The following SCN10A variants were observed in gnomAD, a reference collection of about 807,000 sequenced individuals.
The protein encoded by SCN10A is sodium channel protein type 10 subunit alpha.
A neutral mutation model predicts 170.7 loss-of-function variants in SCN10A; 162 were observed. The ratio of observed to expected loss-of-function variants is 0.95; its 90% confidence interval spans 0.84 to 1.08. The LOEUF is 1.08. Among genes scored for constraint, SCN10A ranks in the 50% least tolerant of loss-of-function variants. SCN10A has a pLI of 0.00. For missense variants in SCN10A, 2,527 were observed against 2,436.9 expected (o/e 1.04, Z -0.78); for synonymous variants, 985 against 904.6 (o/e 1.09, Z -1.59).
At chr3:38,802,595 T>C (rs1009995663) in intron 1 of SCN10A, among the ~76,000 whole-genome samples, 19 of 152,196 alleles carry the variant, frequency 1.2e-4, no homozygotes, top group East Asian at 3.8e-4. Context: ...AGGCTAGCCA[T>C]ATGTAGAAAG....
intron 12 of SCN10A, among the ~76,000 whole-genome samples, chr3:38,751,401 C>T (rs552019644): frequency 3.9e-5 from 6 of 152,218 alleles, no homozygotes; most frequent in African/African-American, 9.6e-5. Flanking sequence ...ATTAGCCCAT[C>T]GGAGTGGTCC....
At chr3:38,726,517 C>T (rs917732108) in intron 17 of SCN10A, 89 bp downstream of exon 17, 3 of 1,056,234 alleles carry the variant, frequency 2.8e-6, no homozygotes, top group African/African-American at 3.2e-5. Flanking sequence ...ATGTCAAGGT[C>T]TCCTCTGCAT....
At chr3:38,709,091 C>T (rs917510523) in intron 25 of SCN10A, among the ~76,000 whole-genome samples, 4 of 152,288 alleles carry the variant, frequency 2.6e-5, no homozygotes, top group Middle Eastern at 3.4e-3. Context: ...CAGTGCTGGG[C>T]CATGGCCTTT....
intron 4 of SCN10A, 146 bp from the exon 5 acceptor site, chr3:38,771,553 A>C (rs979876947): frequency 4.0e-6 from 3 of 752,642 alleles, no homozygotes; most frequent in African/African-American, 3.5e-5. Flanking sequence ...AGGGGGAAGA[A>C]GGTAAGGAGA....
intron 15 of SCN10A, among the ~76,000 whole-genome samples, chr3:38,732,404 G>C (rs943682349): frequency 6.6e-6 from 1 of 152,162 alleles, no homozygotes; most frequent in Non-Finnish European, 1.5e-5. Context: ...TCCTTGAGGC[G>C]CTACTTGAAG....
At chr3:38,783,514 CTTA>C (rs2064163354) in intron 4 of SCN10A, among the ~76,000 whole-genome samples, 1 of 151,926 alleles carries the variant, frequency 6.6e-6, no homozygotes, top group African/African-American at 2.4e-5. Context: ...AAGACTCATC[CTTA>C]TTGTTGTGCA....
At chr3:38,709,366 G>T in intron 25 of SCN10A, 112 bp downstream of exon 25, 1 of 1,085,070 alleles carries the variant, frequency 9.2e-7, no homozygotes, top group Non-Finnish European at 1.3e-6. Context: ...ATATTAAAGT[G>T]ATGGGCTGTG....
At chr3:38,714,333 T>C (rs1386219342) in intron 21 of SCN10A, among the ~76,000 whole-genome samples, 1 of 152,232 alleles carries the variant, frequency 6.6e-6, no homozygotes, top group Non-Finnish European at 1.5e-5. Context: ...CACCAACCTC[T>C]GGTACGTAGG....
intron 1 of SCN10A, among the ~76,000 whole-genome samples, chr3:38,800,069 T>G (rs2064362352): frequency 6.6e-6 from 1 of 152,148 alleles, no homozygotes; most frequent in Non-Finnish European, 1.5e-5. Context: ...AGTCTGGAGG[T>G]AAACAGGATG....
intron 21 of SCN10A, among the ~76,000 whole-genome samples, chr3:38,717,656 T>C (rs2063346255): frequency 6.6e-6 from 1 of 152,206 alleles, no homozygotes; most frequent in Admixed American, 6.5e-5. Flanking sequence ...GAATGTTCTG[T>C]GCTGAACCTC....
chr3:38,699,553 T>C (rs1261613874), intron 27 of SCN10A, among the ~76,000 whole-genome samples: 3 of 152,188 alleles, frequency 2.0e-5, no homozygotes, highest in Admixed American at 1.3e-4. Flanking sequence ...TTTGTTGTTA[T>C]GCACATGGGT....
chr3:38,710,247 C>T (rs2063258398), intron 24 of SCN10A, among the ~76,000 whole-genome samples: 1 of 152,180 alleles, frequency 6.6e-6, no homozygotes, highest in Non-Finnish European at 1.5e-5. Flanking sequence ...GCAACTTCTG[C>T]CTCCCGGGTT....
chr3:38,710,960 A>T, intron 23 of SCN10A, 63 bp from the exon 24 acceptor site: 1 of 1,423,822 alleles, frequency 7.0e-7, no homozygotes, highest in East Asian at 2.3e-5. Context: ...ACCCTTCCCA[A>T]GCCATGGTGG....
At chr3:38,801,810 G>A (rs778034132) in intron 1 of SCN10A, among the ~76,000 whole-genome samples, 3 of 152,128 alleles carry the variant, frequency 2.0e-5, no homozygotes, top group Non-Finnish European at 4.4e-5. Flanking sequence ...GTGTAGGATT[G>A]TACCTTCTCA....
chr3:38,758,118 T>C (rs62244071), intron 8 of SCN10A, among the ~76,000 whole-genome samples: 19,897 of 152,240 alleles, frequency 0.13, 1,367 homozygotes, highest in South Asian at 0.15. Flanking sequence ...CTCCAACCTC[T>C]GGGGCTCTCC....
At chr3:38,736,977 T>TTTTTTTTTTTTTTTG (rs1553618250) in intron 15 of SCN10A, among the ~76,000 whole-genome samples, 1 of 108,714 alleles carries the variant, frequency 9.2e-6, no homozygotes, top group Admixed American at 9.0e-5. Context: ...TTTTTTTTTT[T>TTTTTTTTTTTTTTTG]TTTTTTTTTT....
In SCN10A at chr3:38,718,784, C is replaced by T; in HGVS notation, c.3550G>A (p.Ala1184Thr). 1 of 1,614,244 alleles carries T rather than the reference C, an allele frequency of 6.2e-7. No individual in the cohort carries two copies. The highest frequency in any genetic ancestry group is 1.3e-5 in the African/African-American group (1 of 75,072). Reference protein sequence around the residue: ...YYLDQKPTVKALLEYTDRVFT... With the variant: ...YYLDQKPTVKTLLEYTDRVFT... ...ACCCTGTCAGTGTACTCCAGCAAAGCTTTCACCGTGGGCTTCTGGTCCAGG... is the reference window on the plus strand; with the variant it reads ...ACCCTGTCAGTGTACTCCAGCAAAGTTTTCACCGTGGGCTTCTGGTCCAGG... Residue 1184 changes from alanine (A) to threonine (T), a missense_variant, in exon 21 of 28, where the codon GCT becomes ACT. Ala to Thr is a moderately conservative substitution (Grantham distance 58). Transcript: ENST00000449082.
chr3:38,759,792 G>A lies in SCN10A; in HGVS notation c.950+889C>T, dbSNP rs990585138. On this transcript the variant is annotated intron_variant, in intron 8 of 27. Coordinates refer to ENST00000449082, the MANE Select transcript of SCN10A (RefSeq NM_006514.4). Reference sequence around the variant, plus strand: ...CCACATGGCAACCAAAAGCTGGACCGAGCAGTGGGGCTGTCCCCTTTAGAG... The same window carrying A: ...CCACATGGCAACCAAAAGCTGGACCAAGCAGTGGGGCTGTCCCCTTTAGAG... 6.6e-5 allele frequency among the ~76,000 whole-genome samples: 10 copies of A among 152,294 alleles called. No individual in the cohort carries two copies. The East Asian group carries it at 7.7e-4, about 12-fold the overall frequency.
At chr3:38,724,281 G>T (rs2063429452) in intron 18 of SCN10A, among the ~76,000 whole-genome samples, 1 of 152,206 alleles carries the variant, frequency 6.6e-6, no homozygotes, top group Non-Finnish European at 1.5e-5. Context: ...AAGCTGAAGG[G>T]CTTGATAACT....
Sources: allele counts gnomAD v4.1 joint callset (sites outside exome capture counted in the v4.1 genomes callset), GRCh38; gene constraint gnomAD v4.1.1; transcripts MANE v1.5; gene names NCBI Gene and HGNC (gene_info 2026-07-23, HGNC 2026-07-21).